The following OR2T27 variants were observed in gnomAD, a reference collection of about 807,000 sequenced individuals.
OR2T27 encodes the protein olfactory receptor 2T27.
For missense variants in OR2T27, 152 were observed against 397.2 expected, an observed-to-expected ratio of 0.38 and a Z score of 5.25; for synonymous variants, 51 against 152.9, an observed-to-expected ratio of 0.33 and a Z score of 4.92.
chr1:248,651,656 C>T lies in OR2T27; in HGVS notation c.-4-768G>A. On this transcript the variant is annotated intron_variant, in intron 1 of 1. Coordinates refer to ENST00000460972, the MANE Select transcript of OR2T27 (RefSeq NM_001001824.2). ...AAATAAACTAGTTTAAGTATTAGAC[C>T]TAGTGTATCCCAAAAAGAAGGGATC... The T allele has an allele frequency of 2.8e-5, 2 of 71,458 alleles. 1 individual carries two copies. The highest frequency in any genetic ancestry group is 9.5e-5 in the Non-Finnish European group (2 of 21,124). 4.4% of individuals were successfully genotyped at this position (71,458 alleles called of 1,614,324 possible). A position where few individuals can be genotyped will look rare whatever the true frequency, so the allele number is the denominator to read the frequency against.
intron 1 of OR2T27, among the ~76,000 whole-genome samples, chr1:248,653,477 T>G (rs1223527118): frequency 7.6e-5 from 10 of 132,060 alleles, no homozygotes; most frequent in Admixed American, 7.1e-4. Flanking sequence ...ATAGAGAATA[T>G]TGCTGTGATT....
chr1:248,651,469 AGAGCT>A (rs1661017996), intron 1 of OR2T27: 1 of 70,996 alleles, frequency 1.4e-5, no homozygotes, highest in African/African-American at 2.8e-5. Flanking sequence ...TTGAATAAAA[AGAGCT>A]GAGTTCTGAG....
At position 248,650,117 on chromosome 1, in the gene OR2T27, C is replaced by T. The variant is rs765267974; in HGVS notation, c.768G>A (p.Met256Ile). The T allele has an allele frequency of 3.8e-6, 6 of 1,568,768 alleles. No homozygotes were observed. Among genetic ancestry groups the T allele is most frequent in the Admixed American group, 1.7e-5 (1 of 58,016 alleles). The change falls in exon 2 of 2, where the codon ATG becomes ATA. Residue 256 changes from methionine (M) to isoleucine (I), a missense_variant. Physicochemically the swap from Met to Ile is conservative, Grantham distance 10 (BLOSUM62 1). Transcript: ENST00000460972. ...VVVSLFYGAA[M>I]YTYVLPHSYH... ...AAGAATGAGGCAGCACGTATGTGTA[C>T]ATGGCAGCCCCATAGAAGAGGCTGA...
In OR2T27 at chr1:248,650,012, G is replaced by C; in HGVS notation, c.873C>G (p.Ser291Arg). The change falls in exon 2 of 2, where the codon AGC becomes AGG. Residue 291 changes from serine (S) to arginine (R), a missense_variant. Transcript: ENST00000460972. Reference protein sequence around the residue: ...LTPMLNPLIYSLRNKDVTGAL... With the variant: ...LTPMLNPLIYRLRNKDVTGAL... Reference sequence around the variant, plus strand: ...CCCCTGTGACATCCTTGTTCCTAAGGCTGTAAATGAGTGGATTGAGCATGG... The same window carrying C: ...CCCCTGTGACATCCTTGTTCCTAAGCCTGTAAATGAGTGGATTGAGCATGG... 1 of 1,578,334 alleles carries C rather than the reference G, an allele frequency of 6.3e-7. No individual in the cohort carries two copies. The highest frequency in any genetic ancestry group is 8.6e-7 in the Non-Finnish European group (1 of 1,157,666).
Position 248,650,903 on chromosome 1 carries a change from A to G in OR2T27, c.-4-15T>C, listed in dbSNP as rs763380814. 101 of 1,424,386 alleles carry G rather than the reference A, an allele frequency of 7.1e-5. 3 individuals carry two copies. The highest frequency in any genetic ancestry group is 1.9e-4 in the South Asian group (15 of 78,566). The allele number at this position is 1,424,386 out of a possible 1,614,324, so 88.2% of individuals were successfully genotyped here. ...GCTCCATAGCTCTGTAGGGTACACA[A>G]AAGAGATATGACAAAGTTGGAAAGG... On this transcript the variant is annotated splice_polypyrimidine_tract_variant and intron_variant, in intron 1 of 1. Coordinates refer to ENST00000460972, the MANE Select transcript of OR2T27 (RefSeq NM_001001824.2).
rs200973933 is a variant in OR2T27 at position 248,652,511 on chromosome 1, C to CGAG, written c.-4-1626_-4-1624dup. Among the ~76,000 whole-genome samples the CGAG allele has an allele frequency of 7.6e-3, 1,026 of 135,808 alleles. 6 individuals are homozygous for CGAG. Among genetic ancestry groups the CGAG allele is most frequent in the African/African-American group, 0.026 (989 of 38,752 alleles). 89.1% of individuals were successfully genotyped at this position (135,808 alleles called of 152,430 possible). A position where few individuals can be genotyped will look rare whatever the true frequency, so the allele number is the denominator to read the frequency against. On this transcript the variant is annotated intron_variant, in intron 1 of 1. Transcript: ENST00000460972. Reference sequence around the variant, plus strand: ...AAGAATGTAAGACATCATCTGTCTTCGAGCCTAGAATTGAGGCACATGAAC... The same window carrying CGAG: ...AAGAATGTAAGACATCATCTGTCTTCGAGGAGCCTAGAATTGAGGCACATGAAC...
At chr1:248,653,185 C>T (rs4916155) in intron 1 of OR2T27, among the ~76,000 whole-genome samples, 124 of 141,394 alleles carry the variant, frequency 8.8e-4, no homozygotes, top group Non-Finnish European at 9.3e-4. Context: ...CTAATGAGAC[C>T]CTGGGGATCT....
rs1558182351 is a variant in OR2T27 at position 248,653,804 on chromosome 1, ATAGATTTT to A, written c.-5+1632_-5+1639del. Among the ~76,000 whole-genome samples, 301 of 31,628 alleles carry A rather than the reference ATAGATTTT, an allele frequency of 9.5e-3. 8 individuals are homozygous for A. The highest frequency in any genetic ancestry group is 9.9e-3 in the African/African-American group (285 of 28,662). The allele number at this position is 31,628 out of a possible 152,430, so 20.7% of individuals were successfully genotyped here. A position where few individuals can be genotyped will look rare whatever the true frequency, so the allele number is the denominator to read the frequency against. ...ATAGGTGATTTGTCGAGATTAGTCTATAGATTTTTATTTTTTATTAATATTCTTTTGTT... is the reference window on the plus strand; with the variant it reads ...ATAGGTGATTTGTCGAGATTAGTCTATATTTTTTATTAATATTCTTTTGTT... On this transcript the variant is annotated intron_variant, in intron 1 of 1. Coordinates refer to ENST00000460972, the MANE Select transcript of OR2T27 (RefSeq NM_001001824.2).
intron 1 of OR2T27, among the ~76,000 whole-genome samples, chr1:248,653,217 G>GA (rs144068981): frequency 0.061 from 8,666 of 142,546 alleles, 742 homozygotes; most frequent in African/African-American, 0.2. Flanking sequence ...TTCACAAAGG[G>GA]AAAGGGGAGA....
chr1:248,650,030 G>T lies in OR2T27; in HGVS notation c.855C>A (p.Leu285=). 6.3e-7 allele frequency: 1 copy of T among 1,577,142 alleles called. No individual in the cohort carries two copies. Among genetic ancestry groups the T allele is most frequent in the Non-Finnish European group, 8.6e-7 (1 of 1,157,640 alleles). The change falls in exon 2 of 2, where the codon CTC becomes CTA. Residue 285 remains leucine (L), a synonymous_variant. Transcript: ENST00000460972. ...TCCTAAGGCTGTAAATGAGTGGATT[G>T]AGCATGGGAGTAAGGATGGTGTAGA... The part of the protein sequence containing the change: ...SAFYTILTPM[L]NPLIYSLRNK...
intron 1 of OR2T27, 38 bp downstream of exon 1, chr1:248,655,406 C>G (rs1661097127): frequency 1.0e-5 from 1 of 97,852 alleles, no homozygotes; most frequent in Admixed American, 1.3e-4. Flanking sequence ...CTATTTAAAG[C>G]ATCCTGCGAT....
chr1:248,650,299 C>T lies in OR2T27; in HGVS notation c.586G>A (p.Glu196Lys), dbSNP rs762155217. The change falls in exon 2 of 2, where the codon GAG becomes AAG. Residue 196 changes from glutamate to lysine, a missense_variant. By Grantham distance (56) the Glu-to-Lys change is moderately conservative. Transcript: ENST00000460972. Reference protein sequence around the residue: ...KLSCTDTSAYETAMYVCCIMM... With the variant: ...KLSCTDTSAYKTAMYVCCIMM... ...ATACAGCAGACATACATGGCTGTCT[C>T]GTAGGCTGATGTGTCCGTGCAGGAG... 2.9e-5 allele frequency: 34 copies of T among 1,184,068 alleles called. 1 individual carries two copies. Among genetic ancestry groups the T allele is most frequent in the East Asian group, 1.7e-4 (7 of 40,166 alleles). 73.3% of individuals were successfully genotyped at this position (1,184,068 alleles called of 1,614,324 possible).
intron 1 of OR2T27, chr1:248,651,420 T>C (rs143758624): frequency 1.4e-5 from 1 of 71,604 alleles, no homozygotes; most frequent in South Asian, 6.6e-4. Context: ...AGTACTCAAC[T>C]TACATGTATC....
chr1:248,651,457 T>C (rs1383950266), intron 1 of OR2T27: 1 of 70,916 alleles, frequency 1.4e-5, no homozygotes, highest in African/African-American at 2.8e-5. Flanking sequence ...AATGAGCCTG[T>C]GTTGAATAAA....
rs1311489739 is a variant in OR2T27, at chr1:248,651,716, CAT to C, written c.-4-830_-4-829del. ...TGAAGTTAGATTCTGCATATGTATC[CAT>C]ATCAGTTAAATATTTTACCACAATT... On this transcript the variant is annotated intron_variant, in intron 1 of 1. Coordinates refer to ENST00000460972, the MANE Select transcript of OR2T27 (RefSeq NM_001001824.2). 5.7e-5 allele frequency: 4 copies of C among 69,996 alleles called. 2 individuals are homozygous for C. The highest frequency in any genetic ancestry group is 1.9e-4 in the Non-Finnish European group (4 of 20,642). The allele number at this position is 69,996 out of a possible 1,614,324, so 4.3% of individuals were successfully genotyped here.
intron 1 of OR2T27, among the ~76,000 whole-genome samples, chr1:248,653,729 A>G (rs1661070413): frequency 8.9e-6 from 1 of 112,060 alleles, no homozygotes; most frequent in African/African-American, 2.7e-5. Flanking sequence ...AAAAAAATTG[A>G]ACATAGTGTA....
In OR2T27 at chr1:248,653,111, A is replaced by C. The variant is rs1661055355; in HGVS notation, c.-4-2223T>G. On this transcript the variant is annotated intron_variant, in intron 1 of 1. Coordinates refer to ENST00000460972, the MANE Select transcript of OR2T27 (RefSeq NM_001001824.2). ...CCAAGATGAAAAAATTGGTCCAAAA[A>C]TATCCTTATCAGGGCAGCTGTGTCC... Among the ~76,000 whole-genome samples, 2 of 130,206 alleles carry C rather than the reference A, an allele frequency of 1.5e-5. 1 individual carries two copies. The highest frequency in any genetic ancestry group is 5.2e-5 in the African/African-American group (2 of 38,776). 85.4% of individuals were successfully genotyped at this position (130,206 alleles called of 152,430 possible).
chr1:248,653,264 A>G (rs1661058058), intron 1 of OR2T27, among the ~76,000 whole-genome samples: 1 of 132,792 alleles, frequency 7.5e-6, no homozygotes, highest in Admixed American at 8.0e-5. Context: ...TTTTACAACC[A>G]TCTTCCAACT....
At chr1:248,652,998 G>A (rs1472958237) in intron 1 of OR2T27, among the ~76,000 whole-genome samples, 1 of 94,480 alleles carries the variant, frequency 1.1e-5, no homozygotes, top group African/African-American at 2.8e-5. Flanking sequence ...GGCCGTGCTT[G>A]TTATTTCACA....
Sources: gnomAD v4.1 joint callset for allele counts (sites outside exome capture counted in the v4.1 genomes callset) on GRCh38, gnomAD v4.1.1 for gene constraint, MANE v1.5 for transcripts, NCBI Gene and HGNC (gene_info 2026-07-23, HGNC 2026-07-21) for gene names.